The following ROBO1 variants were observed in gnomAD, a reference collection of about 807,000 sequenced individuals.
ROBO1 encodes the protein roundabout homolog 1.
A neutral mutation model predicts 195.9 loss-of-function variants in ROBO1; 149 were observed. That is an observed-to-expected ratio of 0.76 (90% CI 0.67 to 0.87). The LOEUF is 0.87. Among genes scored for constraint, ROBO1 ranks in the 40% least tolerant of loss-of-function variants. ROBO1 has a pLI of 0.00. For missense variants in ROBO1, 1,933 were observed against 2,068.3 expected (o/e 0.93, Z 1.27); for synonymous variants, 816 against 733.2 (o/e 1.11, Z -1.82).
At chr3:79,288,733 T>C (rs1276572076) in intron 2 of ROBO1, among the ~76,000 whole-genome samples, 2 of 152,200 alleles carry the variant, frequency 1.3e-5, no homozygotes, top group East Asian at 1.9e-4. Flanking sequence ...TATATTGCTA[T>C]TGTTAACACT....
intron 2 of ROBO1, among the ~76,000 whole-genome samples, chr3:79,404,551 G>C (rs2037475137): frequency 6.6e-6 from 1 of 152,058 alleles, no homozygotes. Context: ...GTGAAGAAAT[G>C]CAAGAAAACA....
intron 2 of ROBO1, among the ~76,000 whole-genome samples, chr3:79,484,302 A>C (rs1157401851): frequency 3.9e-5 from 6 of 152,156 alleles, no homozygotes; most frequent in Non-Finnish European, 7.3e-5. Context: ...GAAAACTTTC[A>C]GATGTCAGCA....
chr3:79,756,559 A>ATG (rs1559559303), intron 1 of ROBO1, among the ~76,000 whole-genome samples: 14 of 149,134 alleles, frequency 9.4e-5, no homozygotes, highest in African/African-American at 3.4e-4. Context: ...TCAAAAAAAA[A>ATG]AAAAAAAAAA....
intron 2 of ROBO1, among the ~76,000 whole-genome samples, chr3:79,281,317 GATTT>G (rs889457405): frequency 2.7e-5 from 4 of 146,472 alleles, no homozygotes; most frequent in African/African-American, 1.1e-4. Flanking sequence ...TTGATTGATT[GATTT>G]ATTATTATTA....
At chr3:79,028,042 T>A (rs768792962) in intron 3 of ROBO1, among the ~76,000 whole-genome samples, 22 of 152,072 alleles carry the variant, frequency 1.4e-4, no homozygotes, top group Non-Finnish European at 2.2e-4. Flanking sequence ...CAGTTTAGCA[T>A]GTTAATTCTT....
At chr3:79,265,833 A>G (rs1004948497) in intron 2 of ROBO1, among the ~76,000 whole-genome samples, 2 of 151,410 alleles carry the variant, frequency 1.3e-5, no homozygotes, top group Admixed American at 6.6e-5. Context: ...TTTTTTCTGT[A>G]TAATTTTACT....
chr3:78,883,370 T>A (rs2036300663), intron 4 of ROBO1, among the ~76,000 whole-genome samples: 1 of 152,104 alleles, frequency 6.6e-6, no homozygotes, highest in Non-Finnish European at 1.5e-5. Context: ...CCTGTTTGTC[T>A]TCAACCACAT....
At chr3:79,741,671 G>A (rs1703656147) in intron 1 of ROBO1, among the ~76,000 whole-genome samples, 1 of 152,162 alleles carries the variant, frequency 6.6e-6, no homozygotes, top group Non-Finnish European at 1.5e-5. Context: ...CTTTGGAACT[G>A]GGTAACAGGC....
At chr3:79,304,294 T>C (rs991486335) in intron 2 of ROBO1, among the ~76,000 whole-genome samples, 1 of 152,080 alleles carries the variant, frequency 6.6e-6, no homozygotes, top group Non-Finnish European at 1.5e-5. Context: ...GTAATAAAAG[T>C]ATGCACATAC....
intron 4 of ROBO1, among the ~76,000 whole-genome samples, chr3:78,802,687 T>C (rs2084404798): frequency 6.7e-6 from 1 of 150,112 alleles, no homozygotes; most frequent in Non-Finnish European, 1.5e-5. Context: ...GAGAATGCTA[T>C]AGAAGGAGCC....
At chr3:79,177,508 G>C (rs892893182) in intron 2 of ROBO1, among the ~76,000 whole-genome samples, 4 of 152,082 alleles carry the variant, frequency 2.6e-5, no homozygotes, top group Admixed American at 1.3e-4. Context: ...TGTCACTCAT[G>C]GGTCCCAATC....
chr3:79,362,874 T>C (rs897800431), intron 2 of ROBO1, among the ~76,000 whole-genome samples: 1 of 152,158 alleles, frequency 6.6e-6, no homozygotes, highest in Non-Finnish European at 1.5e-5. Context: ...AAAAGAGTTC[T>C]TCATAGCCCG....
chr3:78,654,863 AAAC>A (rs1706895470), intron 18 of ROBO1, among the ~76,000 whole-genome samples: 1 of 152,214 alleles, frequency 6.6e-6, no homozygotes, highest in South Asian at 2.1e-4. Flanking sequence ...AAAAATAGGT[AAAC>A]AACAACAATA....
intron 9 of ROBO1, among the ~76,000 whole-genome samples, chr3:78,686,234 G>A (rs1485471569): frequency 1.3e-5 from 2 of 152,050 alleles, no homozygotes; most frequent in African/African-American, 4.8e-5. Context: ...TTTTCTATCT[G>A]TTTTTAAGCA....
intron 2 of ROBO1, among the ~76,000 whole-genome samples, chr3:79,357,124 T>G (rs912341450): frequency 3.5e-4 from 53 of 152,242 alleles, no homozygotes; most frequent in African/African-American, 1.2e-3. Flanking sequence ...GCCCAAATGG[T>G]ACATTGAAAC....
chr3:78,932,906 T>G (rs143898788), intron 4 of ROBO1, among the ~76,000 whole-genome samples: 16 of 152,252 alleles, frequency 1.1e-4, no homozygotes, highest in African/African-American at 3.8e-4. Context: ...ATAAAAATGA[T>G]TTTTGTAAGC....
chr3:79,659,495 C>T (rs1466965467), intron 1 of ROBO1, among the ~76,000 whole-genome samples: 2 of 151,970 alleles, frequency 1.3e-5, no homozygotes, highest in African/African-American at 4.8e-5. Flanking sequence ...AGTAGCCAAG[C>T]ACGTTTCCTT....
intron 2 of ROBO1, among the ~76,000 whole-genome samples, chr3:79,570,931 G>A (rs1943257398): frequency 6.6e-6 from 1 of 152,118 alleles, no homozygotes; most frequent in Admixed American, 6.5e-5. Flanking sequence ...GAGTGATCAT[G>A]TTAGCAACAT....
At chr3:79,684,399 C>T (rs774995525) in intron 1 of ROBO1, among the ~76,000 whole-genome samples, 5 of 151,988 alleles carry the variant, frequency 3.3e-5, no homozygotes, top group Non-Finnish European at 7.4e-5. Context: ...TTCTTTCCTA[C>T]ATTTCTTTTT....
Sources: gnomAD v4.1 joint callset for allele counts (sites outside exome capture counted in the v4.1 genomes callset) on GRCh38, gnomAD v4.1.1 for gene constraint, MANE v1.5 for transcripts, NCBI Gene and HGNC (gene_info 2026-07-23, HGNC 2026-07-21) for gene names.